SYNPR: variants seen among roughly 807,000 people sequenced by gnomAD.
The protein encoded by SYNPR is synaptoporin.
SYNPR carries 23 observed loss-of-function variants against 32.9 expected under a neutral mutation model. The observed-to-expected ratio is 0.70, with a 90% CI of 0.50 to 0.99. The LOEUF is 0.99. Ranked by LOEUF, SYNPR falls within the 50% of genes least tolerant of loss-of-function variation. The pLI is 0.00. For missense variants in SYNPR, 318 were observed against 349.3 expected (o/e 0.91, Z 0.71); for synonymous variants, 146 against 135.9 (o/e 1.07, Z -0.52).
intron 2 of SYNPR, among the ~76,000 whole-genome samples, chr3:63,296,377 T>C (rs548464688): frequency 2.2e-4 from 33 of 152,342 alleles, no homozygotes; most frequent in Middle Eastern, 3.4e-3. Context: ...AGCTTGTTCC[T>C]TCCGCACCAC....
intron 4 of SYNPR, among the ~76,000 whole-genome samples, chr3:63,566,835 A>C (rs1575714948): frequency 6.6e-6 from 1 of 152,308 alleles, no homozygotes; most frequent in South Asian, 2.1e-4. Flanking sequence ...AACACCAGGC[A>C]CTCAGCAGGT....
intron 2 of SYNPR, among the ~76,000 whole-genome samples, chr3:63,407,351 A>G (rs1560220397): frequency 6.6e-6 from 1 of 152,218 alleles, no homozygotes; most frequent in African/African-American, 2.4e-5. Context: ...TGAGTTATGA[A>G]CAGCTTATCA....
At chr3:63,474,025 G>A (rs191858206) in intron 2 of SYNPR, among the ~76,000 whole-genome samples, 1 of 152,294 alleles carries the variant, frequency 6.6e-6, no homozygotes, top group African/African-American at 2.4e-5. Flanking sequence ...GCAATGATGG[G>A]AAGCACAATG....
chr3:63,254,418 T>C (rs1235314325), intron 2 of SYNPR, among the ~76,000 whole-genome samples: 1 of 152,186 alleles, frequency 6.6e-6, no homozygotes, highest in Non-Finnish European at 1.5e-5. Context: ...ATTTAGTAGT[T>C]GCAACCAACA....
intron 1 of SYNPR, among the ~76,000 whole-genome samples, chr3:63,250,601 C>T (rs1043491921): frequency 5.9e-5 from 9 of 152,214 alleles, no homozygotes; most frequent in South Asian, 4.1e-4. Context: ...TAAGTGGAAT[C>T]CAAATTTTGG....
chr3:63,613,940 C>T (rs928059244), intron 5 of SYNPR, among the ~76,000 whole-genome samples: 1 of 152,140 alleles, frequency 6.6e-6, no homozygotes, highest in Non-Finnish European at 1.5e-5. Flanking sequence ...GCCTAAGATT[C>T]CATTCATGTG....
intron 2 of SYNPR, among the ~76,000 whole-genome samples, chr3:63,384,107 C>A (rs981668798): frequency 2.0e-5 from 3 of 152,248 alleles, no homozygotes; most frequent in African/African-American, 7.2e-5. Flanking sequence ...GCAGCCAATG[C>A]TGGATCTGAA....
chr3:63,527,012 G>A (rs1226853535), intron 3 of SYNPR, among the ~76,000 whole-genome samples: 2 of 152,186 alleles, frequency 1.3e-5, no homozygotes, highest in African/African-American at 2.4e-5. Flanking sequence ...GAGAAGAGCA[G>A]TGTTTGTTCG....
intron 3 of SYNPR, among the ~76,000 whole-genome samples, chr3:63,521,574 A>G (rs1188060427): frequency 6.6e-6 from 1 of 152,194 alleles, no homozygotes; most frequent in African/African-American, 2.4e-5. Context: ...AGGGAAGGGT[A>G]CATCCACAAG....
chr3:63,510,161 G>A (rs577216641), intron 3 of SYNPR, among the ~76,000 whole-genome samples: 28 of 152,254 alleles, frequency 1.8e-4, no homozygotes, highest in African/African-American at 5.5e-4. Context: ...AAAGGATTAT[G>A]TGATAGAGTG....
chr3:63,593,627 T>C lies in SYNPR; in HGVS notation c.409-15498T>C, dbSNP rs539263124. Among the ~76,000 whole-genome samples the C allele has an allele frequency of 2.4e-4, 36 of 152,320 alleles. No individual in the cohort carries two copies. In the South Asian group the frequency reaches 3.1e-3, roughly 13 times the overall value. The stretch of plus-strand genomic sequence containing the variant: ...AAAAAGTGCAGTATGTCAATCATAA[T>C]GAAATTTAACTTCGGGGAAAAAGCA... On this transcript the variant is annotated intron_variant, in intron 4 of 5. Transcript: ENST00000478300.
At chr3:63,306,761 T>C in intron 2 of SYNPR, among the ~76,000 whole-genome samples, 1 of 152,014 alleles carries the variant, frequency 6.6e-6, no homozygotes, top group Non-Finnish European at 1.5e-5. Flanking sequence ...GGTTTTGCAC[T>C]TGGGAGGCAG....
At chr3:63,556,225 A>G (rs544145245) in intron 3 of SYNPR, among the ~76,000 whole-genome samples, 1 of 152,250 alleles carries the variant, frequency 6.6e-6, no homozygotes, top group South Asian at 2.1e-4. Flanking sequence ...TGTTAAAGAG[A>G]GGAAGCACTG....
At chr3:63,422,118 T>C (rs1349356333) in intron 2 of SYNPR, among the ~76,000 whole-genome samples, 1 of 152,132 alleles carries the variant, frequency 6.6e-6, no homozygotes, top group Non-Finnish European at 1.5e-5. Flanking sequence ...CACATTCAGG[T>C]TAGGAAATTA....
chr3:63,397,299 A>G (rs536901574), intron 2 of SYNPR, among the ~76,000 whole-genome samples: 1 of 152,240 alleles, frequency 6.6e-6, no homozygotes, highest in Non-Finnish European at 1.5e-5. Flanking sequence ...GGAAAATGCA[A>G]GGGTTGATTT....
chr3:63,258,328 A>T (rs1207418433), intron 2 of SYNPR, among the ~76,000 whole-genome samples: 4 of 152,090 alleles, frequency 2.6e-5, no homozygotes, highest in Non-Finnish European at 5.9e-5. Context: ...GAAGTAAAGC[A>T]CTCCTCAGCA....
intron 2 of SYNPR, among the ~76,000 whole-genome samples, chr3:63,388,138 G>A (rs1178333622): frequency 6.6e-6 from 1 of 152,098 alleles, no homozygotes; most frequent in Admixed American, 6.5e-5. Context: ...CTGAATGTGG[G>A]TTGTCCGAGG....
chr3:63,322,696 T>C (rs1429128003), intron 2 of SYNPR, among the ~76,000 whole-genome samples: 3 of 152,088 alleles, frequency 2.0e-5, no homozygotes, highest in African/African-American at 4.8e-5. Flanking sequence ...TTGTTCACAA[T>C]CATTCGACCT....
chr3:63,385,405 C>T (rs1306492353), intron 2 of SYNPR, among the ~76,000 whole-genome samples: 1 of 152,106 alleles, frequency 6.6e-6, no homozygotes, highest in Non-Finnish European at 1.5e-5. Flanking sequence ...AGTAATTTTC[C>T]GATGGTGTGA....
Sources: gnomAD v4.1 joint callset for allele counts (sites outside exome capture counted in the v4.1 genomes callset) on GRCh38, gnomAD v4.1.1 for gene constraint, MANE v1.5 for transcripts, NCBI Gene and HGNC (gene_info 2026-07-23, HGNC 2026-07-21) for gene names.